Variants in TRDN observed in about 807,000 individuals in gnomAD.
TRDN encodes the protein triadin in skeletal muscle.
TRDN carries 161 observed loss-of-function variants against 149.7 expected under a neutral mutation model. The ratio of observed to expected loss-of-function variants is 1.08; its 90% CI spans 0.95 to 1.23. The LOEUF (loss-of-function observed/expected upper bound fraction) is 1.23, where lower values mean the gene tolerates loss of function less well. Among genes scored for constraint, TRDN ranks in the 50% most tolerant of loss-of-function variants. The probability of loss-of-function intolerance (pLI) is 0.00; values close to 1 mark genes in which losing one functional copy is unlikely to be tolerated. For missense variants in TRDN, 896 were observed against 823.5 expected (o/e 1.09, Z -1.08); for synonymous variants, 294 against 250.5 (o/e 1.17, Z -1.64).
chr6:123,376,581 A>C (rs1454890892), intron 18 of TRDN, among the ~76,000 whole-genome samples: 1 of 152,166 alleles, frequency 6.6e-6, no homozygotes, highest in Non-Finnish European at 1.5e-5. Flanking sequence ...AGAAAAGGGA[A>C]AAGATAATAC....
At position 123,411,515 on chromosome 6, in the gene TRDN, CA is replaced by C. The variant is rs370167144; in HGVS notation, c.1052-17839del. Among the ~76,000 whole-genome samples the C allele has an allele frequency of 1.3e-3, 196 of 152,114 alleles. 2 individuals are homozygous for C. Among genetic ancestry groups the C allele is most frequent in the African/African-American group, 4.5e-3 (186 of 41,490 alleles). On this transcript the variant is annotated intron_variant, in intron 12 of 40. Coordinates refer to ENST00000334268, the MANE Select transcript of TRDN (RefSeq NM_006073.4). ...GAATTTCTGGGGGAAATCCAAAACTCAGGATGTGAGAACAAGCTATGGCAGA... is the reference window on the plus strand; with the variant it reads ...GAATTTCTGGGGGAAATCCAAAACTCGGATGTGAGAACAAGCTATGGCAGA...
At chr6:123,489,466 T>C in intron 9 of TRDN, 1 of 152,148 alleles carries the variant, frequency 6.6e-6, no homozygotes, top group Non-Finnish European at 1.5e-5. Context: ...GTTCTGTTTA[T>C]AAAAATTAAT....
intron 2 of TRDN, among the ~76,000 whole-genome samples, chr6:123,549,314 T>C (rs1354197776): frequency 6.6e-6 from 1 of 152,018 alleles, no homozygotes; most frequent in Non-Finnish European, 1.5e-5. Flanking sequence ...CAAACAAATA[T>C]ATTAGGGATT....
At chr6:123,618,529 A>G (rs1785220688) in intron 1 of TRDN, among the ~76,000 whole-genome samples, 1 of 152,148 alleles carries the variant, frequency 6.6e-6, no homozygotes, top group African/African-American at 2.4e-5. Context: ...TCTCTTTTCC[A>G]GGTAAGGTAA....
chr6:123,484,159 A>G (rs1189905501), intron 9 of TRDN, among the ~76,000 whole-genome samples: 1 of 152,156 alleles, frequency 6.6e-6, no homozygotes, highest in South Asian at 2.1e-4. Context: ...AAAAAAAGCT[A>G]TAGAAAAGAG....
At chr6:123,348,370 C>A (rs1168719585) in intron 21 of TRDN, among the ~76,000 whole-genome samples, 3 of 152,042 alleles carry the variant, frequency 2.0e-5, no homozygotes, top group African/African-American at 7.2e-5. Flanking sequence ...AGTAACAATG[C>A]ATTTTTACAT....
intron 32 of TRDN, among the ~76,000 whole-genome samples, chr6:123,266,121 TTA>T (rs1192233288): frequency 8.4e-5 from 10 of 119,522 alleles, no homozygotes; most frequent in African/African-American, 1.3e-4. Context: ...GTATTATATA[TTA>T]TATATATTAT....
intron 21 of TRDN, chr6:123,351,036 A>G: frequency 1.1e-6 from 1 of 925,472 alleles, no homozygotes; most frequent in Non-Finnish European, 1.3e-6. Flanking sequence ...TACTATTATT[A>G]GTGTGGGTGT....
At chr6:123,583,345 C>T (rs572918159) in intron 1 of TRDN, among the ~76,000 whole-genome samples, 1 of 152,138 alleles carries the variant, frequency 6.6e-6, no homozygotes, top group South Asian at 2.1e-4. Flanking sequence ...TGGAATGAGA[C>T]TGGGGCCTAA....
At chr6:123,260,478 G>T in intron 34 of TRDN, 134 bp downstream of exon 34, 1 of 936,334 alleles carries the variant, frequency 1.1e-6, no homozygotes, top group Non-Finnish European at 1.5e-6. Context: ...AAGTCATTAT[G>T]CCTGTTCTGT....
intron 7 of TRDN, among the ~76,000 whole-genome samples, 170 bp from the exon 8 acceptor site, chr6:123,504,071 T>C (rs1447716372): frequency 2.0e-5 from 3 of 151,810 alleles, no homozygotes; most frequent in African/African-American, 7.2e-5. Flanking sequence ...AATACTGTTC[T>C]TAACATAAAC....
chr6:123,219,620 C>T (rs1210334757), intron 40 of TRDN, among the ~76,000 whole-genome samples: 2 of 151,814 alleles, frequency 1.3e-5, no homozygotes, highest in African/African-American at 4.8e-5. Flanking sequence ...GCTGGAGAAG[C>T]AACCAGGGAG....
intron 8 of TRDN, among the ~76,000 whole-genome samples, chr6:123,499,719 A>AAAAAAAAAAATATAT: frequency 2.3e-4 from 11 of 47,674 alleles, no homozygotes; most frequent in African/African-American, 6.4e-4. Flanking sequence ...AAAAAAAAAA[A>AAAAAAAAAAATATAT]ATATATATAT....
At chr6:123,441,155 G>C (rs1185143721) in intron 10 of TRDN, 1 of 152,108 alleles carries the variant, frequency 6.6e-6, no homozygotes, top group Admixed American at 6.5e-5. Flanking sequence ...TGATTTGGTA[G>C]CAATGGAATT....
At chr6:123,584,658 C>A (rs1041594766) in intron 1 of TRDN, among the ~76,000 whole-genome samples, 2 of 152,098 alleles carry the variant, frequency 1.3e-5, no homozygotes, top group African/African-American at 2.4e-5. Flanking sequence ...GTCTGTGAAG[C>A]CTTGCGGCAG....
chr6:123,479,748 TAGA>T (rs1777661364), intron 9 of TRDN, among the ~76,000 whole-genome samples: 1 of 152,156 alleles, frequency 6.6e-6, no homozygotes, highest in South Asian at 2.1e-4. Flanking sequence ...GATACAATTT[TAGA>T]AAAGTGCAAA....
intron 14 of TRDN, 77 bp from the exon 15 acceptor site, chr6:123,382,224 TAAAC>T: frequency 3.1e-6 from 3 of 965,578 alleles, no homozygotes; most frequent in Non-Finnish European, 4.4e-6. Context: ...CAAATTTCTA[TAAAC>T]AATCAAATAA....
At chr6:123,520,134 G>C (rs556034606) in intron 5 of TRDN, among the ~76,000 whole-genome samples, 1 of 152,008 alleles carries the variant, frequency 6.6e-6, no homozygotes, top group South Asian at 2.1e-4. Flanking sequence ...TAGAAGTTCA[G>C]TTCTGTGGTA....
intron 30 of TRDN, among the ~76,000 whole-genome samples, chr6:123,270,775 G>T (rs1286972295): frequency 6.6e-6 from 1 of 151,850 alleles, no homozygotes; most frequent in Non-Finnish European, 1.5e-5. Flanking sequence ...ATAAATAGTA[G>T]AAAGTTTCAG....
Sources: allele counts gnomAD v4.1 joint callset (sites outside exome capture counted in the v4.1 genomes callset), GRCh38; gene constraint gnomAD v4.1.1; transcripts MANE v1.5; gene names NCBI Gene and HGNC (gene_info 2026-07-23, HGNC 2026-07-21).